Variants in GALNT9 observed in about 807,000 individuals in gnomAD.
GALNT9 encodes the protein GalNAc transferase 9.
Under a neutral mutation model 63.1 loss-of-function variants are expected in GALNT9, and 47 were observed. That is an observed-to-expected ratio of 0.75 (90% CI 0.59 to 0.95). The LOEUF is 0.95. GALNT9 is among the 40% of genes least tolerant of loss of function. The probability of loss-of-function intolerance (pLI) is 0.00; values close to 1 mark genes in which losing one functional copy is unlikely to be tolerated. For synonymous variants in GALNT9, 396 were observed against 365.7 expected, an observed-to-expected ratio of 1.08 and a Z score of -0.94; for missense variants, 829 against 874.8, an observed-to-expected ratio of 0.95 and a Z score of 0.66.
At chr12:132,240,416 C>T in intron 6 of GALNT9, 1 of 354,758 alleles carries the variant, frequency 2.8e-6, no homozygotes, top group Non-Finnish European at 5.6e-6. Flanking sequence ...CTTCCAGCCT[C>T]CACTTGTTCA....
At chr12:132,257,572 C>G (rs920062749) in intron 5 of GALNT9, 117 bp downstream of exon 5, 19 of 698,622 alleles carry the variant, frequency 2.7e-5, no homozygotes, top group Non-Finnish European at 4.2e-5. Flanking sequence ...TCCCCACGCC[C>G]TCGTCCCCAG....
intron 6 of GALNT9, among the ~76,000 whole-genome samples, chr12:132,228,845 C>T (rs1056437686): frequency 5.3e-5 from 8 of 152,230 alleles, no homozygotes; most frequent in African/African-American, 1.9e-4. Context: ...ACGCGATGGA[C>T]TCATTTTCCT....
chr12:132,286,456 C>G lies in GALNT9; in HGVS notation c.239-26G>C. On this transcript the variant is annotated intron_variant, in intron 1 of 10. Transcript: ENST00000328957. The surrounding 1 kb of genome is among the most constrained non-coding windows in gnomAD (Gnocchi z 7.4). ...CTGGGGGAAAGGAAGAGAGGGAGGT[C>G]AGGCAGGCCCAGGACACGCTGCGTC... 2 of 1,538,326 alleles carry G rather than the reference C, an allele frequency of 1.3e-6. No homozygotes were observed. Among genetic ancestry groups the G allele is most frequent in the Non-Finnish European group, 1.8e-6 (2 of 1,141,998 alleles).
At chr12:132,198,614 G>A (rs750733104) in intron 9 of GALNT9, among the ~76,000 whole-genome samples, 1 of 152,130 alleles carries the variant, frequency 6.6e-6, no homozygotes, top group African/African-American at 2.4e-5. Context: ...CTTGACTGAG[G>A]GGGGAGTGAT....
At chr12:132,210,331 G>A (rs547326437) in intron 6 of GALNT9, among the ~76,000 whole-genome samples, 8 of 152,368 alleles carry the variant, frequency 5.3e-5, no homozygotes, top group African/African-American at 1.2e-4. Flanking sequence ...AGGCCGTCCC[G>A]TGAAGTCGGA....
chr12:132,235,637 C>T (rs1877974636), intron 6 of GALNT9, among the ~76,000 whole-genome samples: 1 of 152,152 alleles, frequency 6.6e-6, no homozygotes, highest in South Asian at 2.1e-4. Context: ...AGTTGCTCAG[C>T]CCCCAGCGGC....
chr12:132,295,018 C>T (rs1334132956), intron 1 of GALNT9, among the ~76,000 whole-genome samples: 1 of 152,228 alleles, frequency 6.6e-6, no homozygotes, highest in Non-Finnish European at 1.5e-5. Context: ...TGGAGACGCC[C>T]GGCCTGCGGC....
intron 2 of GALNT9, among the ~76,000 whole-genome samples, chr12:132,264,768 G>A (rs1477275366): frequency 1.3e-5 from 2 of 152,204 alleles, no homozygotes; most frequent in East Asian, 1.9e-4. Context: ...ATGCTCCACC[G>A]CGTCATGCTG....
chr12:132,210,176 G>A (rs1876891882), intron 6 of GALNT9, among the ~76,000 whole-genome samples: 1 of 152,196 alleles, frequency 6.6e-6, no homozygotes, highest in African/African-American at 2.4e-5. Context: ...TCGTCTGCAG[G>A]CCCCGGGCTG....
intron 5 of GALNT9, among the ~76,000 whole-genome samples, chr12:132,255,819 C>T (rs1172636885): frequency 2.6e-5 from 4 of 152,292 alleles, no homozygotes; most frequent in East Asian, 3.9e-4. Flanking sequence ...GCACCGGCCG[C>T]GATGACAACA....
intron 6 of GALNT9, among the ~76,000 whole-genome samples, chr12:132,204,750 G>A (rs1289279654): frequency 6.6e-6 from 1 of 152,010 alleles, no homozygotes; most frequent in Non-Finnish European, 1.5e-5. Flanking sequence ...ACCCTATCCT[G>A]TGCTGTCCCA....
chr12:132,299,571 C>T (rs1236252990), intron 1 of GALNT9, among the ~76,000 whole-genome samples: 2 of 128,800 alleles, frequency 1.6e-5, no homozygotes, highest in Non-Finnish European at 3.3e-5. Flanking sequence ...CTGAGATAAC[C>T]CACTCCCATG....
intron 1 of GALNT9, among the ~76,000 whole-genome samples, chr12:132,292,200 T>G (rs1441755942): frequency 6.6e-6 from 1 of 152,198 alleles, no homozygotes; most frequent in Non-Finnish European, 1.5e-5. Context: ...TCCGCTACGC[T>G]CTCTGCTTCC....
At position 132,252,362 on chromosome 12, in the gene GALNT9, T is replaced by G. The variant is rs1221478052; in HGVS notation, c.960-4335A>C. 6.6e-6 allele frequency among the ~76,000 whole-genome samples: 1 copy of G among 152,206 alleles called. No homozygotes were observed. The highest frequency in any genetic ancestry group is 1.5e-5 in the Non-Finnish European group (1 of 68,036). On this transcript the variant is annotated intron_variant, in intron 5 of 10. Coordinates refer to ENST00000328957, the MANE Select transcript of GALNT9 (RefSeq NM_001122636.2). This position sits in a 1 kb window ranked among gnomAD's most constrained non-coding sequence, Gnocchi z 5.2. ...TCTTGCGGACGCCGACACTGACATT[T>G]AATGTTATTTAAAAACTGTTTCTGA...
chr12:132,259,493 G>A (rs1213564193), intron 4 of GALNT9, among the ~76,000 whole-genome samples: 1 of 152,230 alleles, frequency 6.6e-6, no homozygotes, highest in Non-Finnish European at 1.5e-5. Flanking sequence ...GCGAGGAAGG[G>A]GAAGGGAGGG....
chr12:132,304,399 C>G (rs1881472497), intron 1 of GALNT9, among the ~76,000 whole-genome samples: 1 of 120,100 alleles, frequency 8.3e-6, no homozygotes. Context: ...CGGGGCACAC[C>G]CTCACCCAGA....
At chr12:132,239,508 A>G (rs1878148962) in intron 6 of GALNT9, among the ~76,000 whole-genome samples, 1 of 150,116 alleles carries the variant, frequency 6.7e-6, no homozygotes, top group African/African-American at 2.4e-5. Flanking sequence ...AGAGAGAGAC[A>G]CACACACTGA....
At chr12:132,229,664 C>T (rs896245498) in intron 6 of GALNT9, among the ~76,000 whole-genome samples, 9 of 152,216 alleles carry the variant, frequency 5.9e-5, no homozygotes, top group African/African-American at 2.2e-4. Context: ...GCCACACGGC[C>T]GGCATGGTTG....
At chr12:132,218,191 C>CT (rs1334219260) in intron 6 of GALNT9, among the ~76,000 whole-genome samples, 2 of 152,224 alleles carry the variant, frequency 1.3e-5, no homozygotes, top group African/African-American at 4.8e-5. Context: ...CAGCATGACT[C>CT]TGTCTGGGCG....
Sources: gnomAD v4.1 joint callset for allele counts (sites outside exome capture counted in the v4.1 genomes callset) on GRCh38, gnomAD v4.1.1 for gene constraint, Gnocchi (gnomAD v3.1) non-coding constraint, MANE v1.5 for transcripts, NCBI Gene and HGNC (gene_info 2026-07-23, HGNC 2026-07-21) for gene names.